Variants in SNX4 observed in about 807,000 individuals in gnomAD.
SNX4 encodes sorting nexin 4, also known as sorting nexin-4.
A neutral mutation model predicts 70.8 loss-of-function variants in SNX4; 49 were observed. The ratio of observed to expected loss-of-function variants is 0.69; its 90% CI spans 0.55 to 0.88. The LOEUF is 0.88. SNX4 is among the 40% of genes least tolerant of loss of function. SNX4 has a pLI of 0.00. For missense variants in SNX4, 528 were observed against 544.8 expected (o/e 0.97, Z 0.31); for synonymous variants, 206 against 183.8 (o/e 1.12, Z -0.98).
intron 9 of SNX4, among the ~76,000 whole-genome samples, chr3:125,465,737 A>C (rs2107533887): frequency 6.7e-6 from 1 of 150,244 alleles, no homozygotes; most frequent in South Asian, 2.1e-4. Context: ...CTGCCTCCCG[A>C]GTTCAAGTGA....
chr3:125,480,443 A>T (rs1934384526), intron 6 of SNX4, 124 bp from the exon 7 acceptor site: 5 of 408,602 alleles, frequency 1.2e-5, no homozygotes, highest in Non-Finnish European at 1.8e-5. Context: ...TGCTGGCCTT[A>T]AACATTTACA....
At chr3:125,459,689 T>C (rs1362734730) in intron 10 of SNX4, among the ~76,000 whole-genome samples, 1 of 152,048 alleles carries the variant, frequency 6.6e-6, no homozygotes, top group East Asian at 1.9e-4. Flanking sequence ...TCCATCCGCC[T>C]TGGGCTCCCA....
At chr3:125,516,149 C>A (rs905635077) in intron 1 of SNX4, among the ~76,000 whole-genome samples, 1 of 152,132 alleles carries the variant, frequency 6.6e-6, no homozygotes, top group Non-Finnish European at 1.5e-5. Flanking sequence ...CCCTAAAAAT[C>A]ACTTATGAAT....
At chr3:125,501,699 C>T (rs1934935430) in intron 2 of SNX4, among the ~76,000 whole-genome samples, 2 of 151,928 alleles carry the variant, frequency 1.3e-5, no homozygotes, top group African/African-American at 4.8e-5. Flanking sequence ...AATCCTGGGC[C>T]CTACCCCAAA....
At chr3:125,471,117 G>A (rs1934158523) in intron 8 of SNX4, among the ~76,000 whole-genome samples, 1 of 151,888 alleles carries the variant, frequency 6.6e-6, no homozygotes, top group East Asian at 1.9e-4. Context: ...AGCCAAGGAG[G>A]GCAGATCACC....
chr3:125,476,543 T>A (rs1934293482), intron 8 of SNX4, 152 bp downstream of exon 8: 1 of 605,718 alleles, frequency 1.7e-6, no homozygotes, highest in African/African-American at 2.0e-5. Flanking sequence ...TGCATCAGCC[T>A]GGGTGACAAG....
At chr3:125,499,495 A>G (rs1024916856) in intron 2 of SNX4, among the ~76,000 whole-genome samples, 1 of 152,222 alleles carries the variant, frequency 6.6e-6, no homozygotes, top group Non-Finnish European at 1.5e-5. Flanking sequence ...CCAAAATATG[A>G]AATGCAAAAT....
intron 1 of SNX4, among the ~76,000 whole-genome samples, chr3:125,509,347 A>G (rs77221308): frequency 4.9e-4 from 74 of 151,724 alleles, no homozygotes; most frequent in African/African-American, 1.4e-3. Context: ...AAAAAAAAAA[A>G]AGAGAGAAAG....
At chr3:125,509,401 T>A (rs2107570427) in intron 1 of SNX4, among the ~76,000 whole-genome samples, 1 of 149,160 alleles carries the variant, frequency 6.7e-6, no homozygotes, top group Middle Eastern at 3.6e-3. Flanking sequence ...CAGAAGAAAG[T>A]ATTTTCTCTC....
intron 10 of SNX4, among the ~76,000 whole-genome samples, chr3:125,458,058 T>C (rs1933768629): frequency 6.6e-6 from 1 of 152,082 alleles, no homozygotes; most frequent in Non-Finnish European, 1.5e-5. Flanking sequence ...ACATAATTAG[T>C]TCTTACATAA....
intron 11 of SNX4, among the ~76,000 whole-genome samples, chr3:125,456,747 G>A (rs991854561): frequency 6.6e-6 from 1 of 152,154 alleles, no homozygotes; most frequent in Non-Finnish European, 1.5e-5. Context: ...TGCAACCTCC[G>A]ATTCCCTGGT....
chr3:125,505,226 T>C (rs569053614), intron 1 of SNX4, among the ~76,000 whole-genome samples: 35 of 152,300 alleles, frequency 2.3e-4, no homozygotes, highest in African/African-American at 7.7e-4. Flanking sequence ...TGCCTTGGCC[T>C]CCCAAAGTGC....
intron 9 of SNX4, among the ~76,000 whole-genome samples, chr3:125,462,711 TAC>T (rs1933915697): frequency 6.6e-6 from 1 of 152,130 alleles, no homozygotes; most frequent in Non-Finnish European, 1.5e-5. Flanking sequence ...TACATTTAAT[TAC>T]ACACACCATT....
intron 13 of SNX4, among the ~76,000 whole-genome samples, chr3:125,449,964 A>G (rs1394291493): frequency 6.6e-6 from 1 of 152,168 alleles, no homozygotes; most frequent in East Asian, 1.9e-4. Context: ...GGACTGTACT[A>G]CTGGGTGTGG....
At chr3:125,454,023 C>A (rs969046203) in intron 11 of SNX4, 68 bp from the exon 12 acceptor site, 2 of 1,327,838 alleles carry the variant, frequency 1.5e-6, no homozygotes, top group Non-Finnish European at 2.1e-6. Flanking sequence ...TACAATGGAA[C>A]ATTATTCAGC....
At chr3:125,457,883 C>T (rs924979488) in intron 10 of SNX4, among the ~76,000 whole-genome samples, 9 of 151,612 alleles carry the variant, frequency 5.9e-5, no homozygotes, top group Admixed American at 2.6e-4. Flanking sequence ...CGGCCAAAAA[C>T]GTCATATATT....
chr3:125,492,455 G>A (rs372049679), intron 5 of SNX4, among the ~76,000 whole-genome samples: 2 of 151,424 alleles, frequency 1.3e-5, no homozygotes, highest in African/African-American at 4.8e-5. Flanking sequence ...GTCTTGCTCC[G>A]TCACCCAGGC....
At chr3:125,475,734 T>C (rs999876379) in intron 8 of SNX4, among the ~76,000 whole-genome samples, 14 of 152,104 alleles carry the variant, frequency 9.2e-5, no homozygotes. Flanking sequence ...CCTAGCACTA[T>C]GGGGGGCCGA....
rs554312708 is a variant in SNX4 at position 125,496,136 on chromosome 3, A to G, written c.597+1205T>C. Among the ~76,000 whole-genome samples the G allele has an allele frequency of 2.9e-3, 440 of 152,176 alleles. 2 individuals are homozygous for G. Among genetic ancestry groups the G allele is most frequent in the Non-Finnish European group, 3.6e-3 (247 of 68,002 alleles). On this transcript the variant is annotated intron_variant, in intron 5 of 13. Coordinates refer to ENST00000251775, the MANE Select transcript of SNX4 (RefSeq NM_003794.4). ...GAGACCTCATCTCTACAAAAGAAAA[A>G]TTTTAAAATTAGCTAGGTATGGTGG...
Sources: allele counts gnomAD v4.1 joint callset (sites outside exome capture counted in the v4.1 genomes callset), GRCh38; gene constraint gnomAD v4.1.1; transcripts MANE v1.5; gene names NCBI Gene and HGNC (gene_info 2026-07-23, HGNC 2026-07-21).